The following MDGA2 variants were observed in gnomAD, a reference collection of about 807,000 sequenced individuals.
MDGA2 encodes MAM domain-containing glycosylphosphatidylinositol anchor protein 2.
Under a neutral mutation model 117.8 loss-of-function variants are expected in MDGA2, and 40 were observed. The ratio of observed to expected loss-of-function variants is 0.34; its 90% CI spans 0.26 to 0.44. The LOEUF is 0.44. Among genes scored for constraint, MDGA2 ranks in the 20% least tolerant of loss-of-function variants. MDGA2 has a pLI of 1.00. For synonymous variants in MDGA2, 452 were observed against 439.0 expected (o/e 1.03, Z -0.37); for missense variants, 1,123 against 1,250.6 (o/e 0.90, Z 1.54).
chr14:47,419,029 G>A (rs1024484219), intron 1 of MDGA2, among the ~76,000 whole-genome samples: 15 of 152,196 alleles, frequency 9.9e-5, no homozygotes, highest in East Asian at 1.9e-4. Flanking sequence ...GTATTCAGAC[G>A]AAACTAAATA....
At chr14:46,982,734 A>AAAAAAAAAAT (rs1449356596) in intron 8 of MDGA2, among the ~76,000 whole-genome samples, 8 of 130,326 alleles carry the variant, frequency 6.1e-5, no homozygotes, top group Non-Finnish European at 8.4e-5. Context: ...AAAAAAAAAA[A>AAAAAAAAAAT]AATCATGTCA....
chr14:47,199,269 A>G (rs924518252), intron 3 of MDGA2, among the ~76,000 whole-genome samples: 1 of 152,124 alleles, frequency 6.6e-6, no homozygotes, highest in Non-Finnish European at 1.5e-5. Context: ...TTAAATAAAG[A>G]CACATAAAAC....
intron 1 of MDGA2, among the ~76,000 whole-genome samples, chr14:47,556,950 A>C (rs1206300681): frequency 1.3e-5 from 2 of 152,190 alleles, no homozygotes; most frequent in African/African-American, 2.4e-5. Context: ...CTAATAAAGA[A>C]AAGACTGAGA....
chr14:47,201,786 TC>T (rs1353012331), intron 3 of MDGA2, among the ~76,000 whole-genome samples: 1 of 152,168 alleles, frequency 6.6e-6, no homozygotes, highest in Non-Finnish European at 1.5e-5. Flanking sequence ...TTTATTCCAG[TC>T]CCTCCAGATT....
At chr14:47,511,501 A>C (rs1235226013) in intron 1 of MDGA2, among the ~76,000 whole-genome samples, 1 of 152,118 alleles carries the variant, frequency 6.6e-6, no homozygotes, top group East Asian at 1.9e-4. Context: ...TTTTGTTTAT[A>C]ACACAGAAAG....
chr14:47,346,149 C>T (rs1440515587), intron 1 of MDGA2, among the ~76,000 whole-genome samples: 1 of 152,008 alleles, frequency 6.6e-6, no homozygotes. Flanking sequence ...GCTAATTATC[C>T]TGATCTGATC....
intron 2 of MDGA2, among the ~76,000 whole-genome samples, chr14:47,238,057 G>A (rs765658199): frequency 9.9e-5 from 15 of 152,046 alleles, no homozygotes; most frequent in Non-Finnish European, 2.2e-4. Flanking sequence ...CTTCCTGAAA[G>A]ACACCAAGAG....
intron 5 of MDGA2, among the ~76,000 whole-genome samples, chr14:47,116,207 G>A (rs954320745): frequency 2.0e-5 from 3 of 151,916 alleles, no homozygotes; most frequent in Non-Finnish European, 2.9e-5. Flanking sequence ...GCTTAACTAC[G>A]GAAGCAAAAG....
intron 1 of MDGA2, among the ~76,000 whole-genome samples, chr14:47,419,240 C>G (rs1363675985): frequency 6.6e-6 from 1 of 151,836 alleles, no homozygotes; most frequent in African/African-American, 2.4e-5. Context: ...AATGCAGAGG[C>G]ACAGGGACAT....
chr14:47,588,259 TATACACAC>T (rs1386010205), intron 1 of MDGA2, among the ~76,000 whole-genome samples: 16 of 122,400 alleles, frequency 1.3e-4, no homozygotes, highest in East Asian at 8.5e-4. Context: ...TATATATATA[TATACACAC>T]ACACACACAC....
intron 1 of MDGA2, among the ~76,000 whole-genome samples, chr14:47,368,731 G>A (rs1297299160): frequency 1.3e-5 from 2 of 152,042 alleles, no homozygotes; most frequent in African/African-American, 4.8e-5. Flanking sequence ...GTTGTCATTA[G>A]TGTAAAACTT....
chr14:47,661,568 C>T (rs1468212776), intron 1 of MDGA2, among the ~76,000 whole-genome samples: 1 of 152,038 alleles, frequency 6.6e-6, no homozygotes, highest in Non-Finnish European at 1.5e-5. Flanking sequence ...TAAAATACAA[C>T]TTAAAAGACC....
intron 3 of MDGA2, among the ~76,000 whole-genome samples, chr14:47,178,551 T>C (rs1566667645): frequency 6.6e-6 from 1 of 152,152 alleles, no homozygotes; most frequent in Non-Finnish European, 1.5e-5. Flanking sequence ...ACTTATTATA[T>C]AAAAATGTTT....
intron 3 of MDGA2, among the ~76,000 whole-genome samples, chr14:47,165,615 T>C (rs996015879): frequency 6.6e-6 from 1 of 152,166 alleles, no homozygotes; most frequent in African/African-American, 2.4e-5. Context: ...GACCCTCAAT[T>C]GCTTCCATTT....
intron 10 of MDGA2, among the ~76,000 whole-genome samples, chr14:46,891,102 A>G (rs1882866516): frequency 6.6e-6 from 1 of 152,086 alleles, no homozygotes; most frequent in Non-Finnish European, 1.5e-5. Context: ...ATGTGACTTT[A>G]CATTCCTAAT....
At chr14:47,450,814 TG>T (rs1190134418) in intron 1 of MDGA2, among the ~76,000 whole-genome samples, 2 of 152,176 alleles carry the variant, frequency 1.3e-5, no homozygotes, top group Non-Finnish European at 2.9e-5. Flanking sequence ...TGATTGTGAT[TG>T]GAATTTATAA....
chr14:46,943,237 G>T (rs1477461686), intron 9 of MDGA2, among the ~76,000 whole-genome samples: 1 of 151,948 alleles, frequency 6.6e-6, no homozygotes, highest in African/African-American at 2.4e-5. Flanking sequence ...TGAATGCTAT[G>T]TATTCCCCCA....
chr14:46,953,161 T>C (rs1885429191), intron 9 of MDGA2, among the ~76,000 whole-genome samples: 1 of 151,884 alleles, frequency 6.6e-6, no homozygotes, highest in South Asian at 2.1e-4. Context: ...TTTAATCTTG[T>C]ACCTCACACT....
intron 2 of MDGA2, among the ~76,000 whole-genome samples, chr14:47,236,632 A>C (rs531331075): frequency 6.6e-6 from 1 of 152,354 alleles, no homozygotes; most frequent in African/African-American, 2.4e-5. Flanking sequence ...GCATCCCATA[A>C]GTGATTGCTA....
Sources: allele counts gnomAD v4.1 joint callset (sites outside exome capture counted in the v4.1 genomes callset), GRCh38; gene constraint gnomAD v4.1.1; transcripts MANE v1.5; gene names NCBI Gene and HGNC (gene_info 2026-07-23, HGNC 2026-07-21).